Variants in PFDN1 observed in about 807,000 individuals in gnomAD.
PFDN1 encodes the protein prefoldin 1.
A neutral mutation model predicts 17.3 loss-of-function variants in PFDN1; 6 were observed. That is an observed-to-expected ratio of 0.35 (90% CI 0.19 to 0.69). PFDN1 has a LOEUF of 0.69. PFDN1 is among the 30% of genes least tolerant of loss of function. PFDN1 has a pLI of 0.65. For synonymous variants in PFDN1, 58 were observed against 50.1 expected (o/e 1.16, Z -0.67); for missense variants, 113 against 146.2 (o/e 0.77, Z 1.17).
At chr5:140,296,491 A>AGTG (rs1446010884) in intron 2 of PFDN1, among the ~76,000 whole-genome samples, 1 of 152,202 alleles carries the variant, frequency 6.6e-6, no homozygotes, top group Non-Finnish European at 1.5e-5. Flanking sequence ...CCAAGGAAAG[A>AGTG]GTGAATGAGT....
At chr5:140,249,873 A>G (rs1047340074) in intron 3 of PFDN1, among the ~76,000 whole-genome samples, 1 of 152,088 alleles carries the variant, frequency 6.6e-6, no homozygotes, top group African/African-American at 2.4e-5. Context: ...CATAATCCAA[A>G]CATCTCCCAC....
At chr5:140,282,404 A>AT (rs34979639) in intron 2 of PFDN1, among the ~76,000 whole-genome samples, 91 of 136,894 alleles carry the variant, frequency 6.6e-4, no homozygotes, top group Admixed American at 1.1e-3. Flanking sequence ...GCGCCCCTCC[A>AT]TTTTTTTTTT....
Position 140,303,043 on chromosome 5 carries a change from T to C in PFDN1, c.31A>G (p.Lys11Glu), listed in dbSNP as rs541259232. The C allele has an allele frequency of 1.9e-6, 3 of 1,611,110 alleles. No homozygotes were observed. In the South Asian group the frequency reaches 3.3e-5, roughly 18 times the overall value. MAAPVDLELK[K>E]AFTELQAKVI... The stretch of plus-strand genomic sequence containing the variant: ...GCCTGCCAAAGACCCTCTTTTACCT[T>C]CTTCAGCTCTAGATCCACGGGGGCG... Residue 11 changes from lysine to glutamate, a missense_variant and splice_region_variant, in exon 1 of 4, where the codon AAG becomes GAG. Transcript: ENST00000261813.
rs113359257 is a variant in PFDN1, at chr5:140,254,779, C to T, written c.286-8722G>A. Among the ~76,000 whole-genome samples the T allele has an allele frequency of 6.6e-6, 1 of 152,236 alleles. No homozygotes were observed. Among genetic ancestry groups the T allele is most frequent in the African/African-American group, 2.4e-5 (1 of 41,462 alleles). On this transcript the variant is annotated intron_variant, in intron 3 of 3. Transcript: ENST00000261813. The surrounding 1 kb of genome is among the most constrained non-coding windows in gnomAD (Gnocchi z 4.4). ...TCTCGCTCCAGCATTTCTTCAACCT[C>T]GTCACGCAACAACTTGTTCATTTTC...
chr5:140,276,507 G>A (rs1765295425), intron 3 of PFDN1, among the ~76,000 whole-genome samples: 1 of 152,160 alleles, frequency 6.6e-6, no homozygotes, highest in African/African-American at 2.4e-5. Context: ...TTGGCCAAGT[G>A]TGGTGGCTCA....
chr5:140,261,195 A>T (rs911692261), intron 3 of PFDN1, among the ~76,000 whole-genome samples: 6 of 151,832 alleles, frequency 4.0e-5, no homozygotes, highest in African/African-American at 9.7e-5. Flanking sequence ...AGGATATTTT[A>T]AAAAAAGACA....
intron 3 of PFDN1, among the ~76,000 whole-genome samples, chr5:140,272,467 T>A (rs1443703085): frequency 1.3e-5 from 2 of 150,788 alleles, no homozygotes; most frequent in African/African-American, 2.4e-5. Flanking sequence ...TTCAAGCAAT[T>A]CTCGGCCTCA....
intron 2 of PFDN1, among the ~76,000 whole-genome samples, chr5:140,282,830 G>A (rs1405758287): frequency 2.0e-5 from 3 of 152,178 alleles, no homozygotes; most frequent in African/African-American, 7.2e-5. Context: ...TTTCAGGACT[G>A]TCTAAGGAAG....
intron 2 of PFDN1, among the ~76,000 whole-genome samples, chr5:140,287,532 AGCT>A (rs1306639903): frequency 1.3e-5 from 2 of 152,232 alleles, no homozygotes; most frequent in African/African-American, 4.8e-5. Flanking sequence ...CAGGAACCAC[AGCT>A]TCTTGGAAAA....
rs76439555 is a variant in PFDN1, at chr5:140,252,297, C to T, written c.286-6240G>A. The stretch of plus-strand genomic sequence containing the variant: ...AATAAAAATAGCCCTGCTGGCTCAT[C>T]TCCTGCCCTCCAATCCAGGCATCGG... On this transcript the variant is annotated intron_variant, in intron 3 of 3. Transcript: ENST00000261813. 7.4e-3 allele frequency among the ~76,000 whole-genome samples: 1,134 copies of T among 152,288 alleles called. 14 individuals are homozygous for T. The highest frequency in any genetic ancestry group is 0.012 in the Non-Finnish European group (829 of 68,022).
intron 2 of PFDN1, among the ~76,000 whole-genome samples, chr5:140,297,096 A>G (rs564645076): frequency 6.6e-6 from 1 of 152,336 alleles, no homozygotes; most frequent in South Asian, 2.1e-4. Flanking sequence ...TGCTATCATA[A>G]AAGTCCAGGC....
rs530745943 is a variant in PFDN1, at chr5:140,248,737, CCTT to C, written c.286-2683_286-2681del. 9.8e-5 allele frequency among the ~76,000 whole-genome samples: 15 copies of C among 152,326 alleles called. No homozygotes were observed. The South Asian group carries it at 3.1e-3, about 32-fold the overall frequency. On this transcript the variant is annotated intron_variant, in intron 3 of 3. Transcript: ENST00000261813. ...GCTATACCTCTCAGCTTTAAAAATTCCTTCTTCTGTAAAATCTCTGCTTTCTAA... is the reference window on the plus strand; with the variant it reads ...GCTATACCTCTCAGCTTTAAAAATTCCTTCTGTAAAATCTCTGCTTTCTAA...
At chr5:140,293,584 G>C (rs767104164) in intron 2 of PFDN1, among the ~76,000 whole-genome samples, 1 of 151,970 alleles carries the variant, frequency 6.6e-6, no homozygotes, top group Non-Finnish European at 1.5e-5. Context: ...GGGGCATATG[G>C]GAGGGGAAGC....
chr5:140,284,765 C>T (rs1765460023), intron 2 of PFDN1, among the ~76,000 whole-genome samples: 1 of 152,164 alleles, frequency 6.6e-6, no homozygotes, highest in African/African-American at 2.4e-5. Context: ...AACCTGAATT[C>T]GAGTTGATGC....
In PFDN1 at chr5:140,302,942, C is replaced by T. The variant is rs2126705524; in HGVS notation, c.33+99G>A. 20 of 889,794 alleles carry T rather than the reference C, an allele frequency of 2.2e-5. No homozygotes were observed. In the South Asian group the frequency reaches 2.4e-4, roughly 10 times the overall value. 55.1% of individuals were successfully genotyped at this position (889,794 alleles called of 1,614,324 possible). ...ACCATTCCCTAGTCCACTGGACCCT[C>T]CTTCCTTCTGCAAGGCTCGTGCCTC... On this transcript the variant is annotated intron_variant, in intron 1 of 3. Transcript: ENST00000261813.
chr5:140,257,768 G>A (rs1765008315), intron 3 of PFDN1, among the ~76,000 whole-genome samples: 1 of 152,234 alleles, frequency 6.6e-6, no homozygotes, highest in Non-Finnish European at 1.5e-5. Flanking sequence ...CAACAGTAGA[G>A]AAGCGAACAA....
intron 3 of PFDN1, among the ~76,000 whole-genome samples, chr5:140,256,658 C>CAAAAAAAAAAAAAAAAAAAA (rs757723797): frequency 1.5e-4 from 6 of 39,890 alleles, no homozygotes; most frequent in Non-Finnish European, 2.0e-4. Flanking sequence ...CAAAAAATGA[C>CAAAAAAAAAAAAAAAAAAAA]AAAAAAAAAA....
At chr5:140,264,020 CAAAAAAAAAAAAAAAAAAAAA>C (rs58605224) in intron 3 of PFDN1, among the ~76,000 whole-genome samples, 775 of 55,584 alleles carry the variant, frequency 0.014, 23 homozygotes, top group African/African-American at 0.057. Flanking sequence ...GACTCCATCT[CAAAAAAAAAAAAAAAAAAAAA>C]AAAAAAAAAA....
chr5:140,290,353 C>T (rs1006101464), intron 2 of PFDN1, among the ~76,000 whole-genome samples: 1 of 152,168 alleles, frequency 6.6e-6, no homozygotes, highest in African/African-American at 2.4e-5. Flanking sequence ...CACTTTCTCA[C>T]TCTGGTTGTT....
Sources: gnomAD v4.1 joint callset for allele counts (sites outside exome capture counted in the v4.1 genomes callset) on GRCh38, gnomAD v4.1.1 for gene constraint, Gnocchi (gnomAD v3.1) non-coding constraint, MANE v1.5 for transcripts, NCBI Gene and HGNC (gene_info 2026-07-23, HGNC 2026-07-21) for gene names.